PARD3B: variants seen among roughly 807,000 people sequenced by gnomAD.
The protein encoded by PARD3B is partitioning defective 3 homolog B.
PARD3B carries 103 observed loss-of-function variants against 130.2 expected under a neutral mutation model. The observed-to-expected ratio is 0.79, with a 90% CI of 0.67 to 0.93. PARD3B has a LOEUF of 0.93. Among genes scored for constraint, PARD3B ranks in the 40% least tolerant of loss-of-function variants. The pLI is 0.00. For synonymous variants in PARD3B, 583 were observed against 553.2 expected, an observed-to-expected ratio of 1.05 and a Z score of -0.76; for missense variants, 1,609 against 1,499.2, an observed-to-expected ratio of 1.07 and a Z score of -1.21.
Position 204,748,233 on chromosome 2 carries a change from A to T in PARD3B, c.222+61951A>T, listed in dbSNP as rs55900334. On this transcript the variant is annotated intron_variant, in intron 2 of 22. Coordinates refer to ENST00000406610, the MANE Select transcript of PARD3B (RefSeq NM_001302769.2). ...CTTAAAGATTGGCAGATTAAATGAC[A>T]CCTAAAGATGGGTAGAAAAATGTCA... 8.6e-3 allele frequency among the ~76,000 whole-genome samples: 1,308 copies of T among 152,176 alleles called. 9 individuals carry two copies. Among genetic ancestry groups the T allele is most frequent in the African/African-American group, 0.029 (1,191 of 41,530 alleles).
intron 22 of PARD3B, among the ~76,000 whole-genome samples, chr2:205,553,721 A>T (rs1038937285): frequency 1.3e-5 from 2 of 152,190 alleles, no homozygotes; most frequent in Non-Finnish European, 2.9e-5. Context: ...AGACAATCAA[A>T]TAGTAAATCC....
chr2:205,291,882 C>A lies in PARD3B; in HGVS notation c.2186-8648C>A, dbSNP rs895773820. Among the ~76,000 whole-genome samples the A allele has an allele frequency of 6.6e-6, 1 of 152,208 alleles. No homozygotes were observed. The highest frequency in any genetic ancestry group is 2.4e-5 in the African/African-American group (1 of 41,450). On this transcript the variant is annotated intron_variant, in intron 16 of 22. Coordinates refer to ENST00000406610, the MANE Select transcript of PARD3B (RefSeq NM_001302769.2). This position sits in a 1 kb window ranked among gnomAD's most constrained non-coding sequence, Gnocchi z 4.6. ...CAGCCATCTCAGCAGAAGCCAGGAG[C>A]TATTCTCCAGGACAATGGAAGAATG...
intron 2 of PARD3B, among the ~76,000 whole-genome samples, chr2:204,702,732 A>G (rs142916489): frequency 0.018 from 2,661 of 151,838 alleles, 38 homozygotes; most frequent in Middle Eastern, 0.071. Context: ...TGGCCACCAT[A>G]CTTGGCTAAT....
rs6711024 is a variant in PARD3B, at chr2:205,564,440, T to A, written c.3260+11037T>A. Among the ~76,000 whole-genome samples the A allele has an allele frequency of 3.3e-5, 5 of 152,022 alleles. No individual in the cohort carries two copies. Among genetic ancestry groups the A allele is most frequent in the South Asian group, 2.1e-4 (1 of 4,828 alleles). ...CCAGCCAAAATATTTTAAATGGTGC[T>A]TTTTTGCTTAAAGACTGCCTCTGTG... On this transcript the variant is annotated intron_variant, in intron 22 of 22. Coordinates refer to ENST00000406610, the MANE Select transcript of PARD3B (RefSeq NM_001302769.2). The surrounding 1 kb of genome is among the most constrained non-coding windows in gnomAD (Gnocchi z 4.6).
chr2:204,791,225 A>G (rs1489503023), intron 2 of PARD3B, among the ~76,000 whole-genome samples: 1 of 152,214 alleles, frequency 6.6e-6, no homozygotes, highest in Non-Finnish European at 1.5e-5. Context: ...TACTGCAACA[A>G]TCAAACTTTT....
chr2:204,748,083 C>G (rs1222938544), intron 2 of PARD3B, among the ~76,000 whole-genome samples: 2 of 151,944 alleles, frequency 1.3e-5, no homozygotes, highest in Non-Finnish European at 2.9e-5. Context: ...TTATTGAGTT[C>G]TTACTGATAA....
At chr2:204,910,773 C>T (rs2047205214) in intron 2 of PARD3B, among the ~76,000 whole-genome samples, 1 of 152,128 alleles carries the variant, frequency 6.6e-6, no homozygotes, top group Non-Finnish European at 1.5e-5. Flanking sequence ...TCATGAGTAG[C>T]TGGGACTACA....
At chr2:204,722,656 A>G (rs369391093) in intron 2 of PARD3B, among the ~76,000 whole-genome samples, 11 of 152,150 alleles carry the variant, frequency 7.2e-5, no homozygotes, top group African/African-American at 1.9e-4. Context: ...TCATTTATCA[A>G]TTCCAGGAAA....
chr2:204,597,466 A>G lies in PARD3B; in HGVS notation c.120+51347A>G, dbSNP rs571736961. On this transcript the variant is annotated intron_variant, in intron 1 of 22. Transcript: ENST00000406610. ...CTACAGGAAGCCAGTTTAAGTGTCA[A>G]TGTAGCCTAGAATATGGAGAAAAGG... is the stretch of plus-strand genomic sequence containing the variant. Among the ~76,000 whole-genome samples, 16 of 152,332 alleles carry G rather than the reference A, an allele frequency of 1.1e-4. No homozygotes were observed. The East Asian group carries it at 2.3e-3, about 22-fold the overall frequency.
chr2:205,221,332 G>A lies in PARD3B; in HGVS notation c.2141-24446G>A, dbSNP rs78100908. Among the ~76,000 whole-genome samples the A allele has an allele frequency of 6.5e-3, 984 of 152,256 alleles. 13 individuals carry two copies. Among genetic ancestry groups the A allele is most frequent in the African/African-American group, 0.022 (930 of 41,540 alleles). The stretch of plus-strand genomic sequence containing the variant: ...CTAGCATGGTGCCCGATGTACCACC[G>A]GCTCTCCGTAAACATTCATCGGATG... On this transcript the variant is annotated intron_variant, in intron 15 of 22. Transcript: ENST00000406610.
At chr2:205,025,744 G>A (rs1221817879) in intron 3 of PARD3B, among the ~76,000 whole-genome samples, 1 of 152,000 alleles carries the variant, frequency 6.6e-6, no homozygotes, top group African/African-American at 2.4e-5. Context: ...ATACCAGCCC[G>A]GTTCTGACAT....
Position 205,158,823 on chromosome 2 carries a change from C to A in PARD3B, c.1536C>A (p.Ser512Arg), listed in dbSNP as rs780741135. ...CAGGTTCTGCTGGCCTCGGGGTGAG[C>A]TTAAAAGGGAACAAATCCAGAGAAA... ...NDSGSAGLGV[S>R]LKGNKSRETG... Residue 512 changes from serine to arginine, a missense_variant, in exon 11 of 23, where the codon AGC becomes AGA. Transcript: ENST00000406610. This position sits in a 1 kb window ranked among gnomAD's most constrained non-coding sequence, Gnocchi z 5.4. 1 of 1,614,148 alleles carries A rather than the reference C, an allele frequency of 6.2e-7. No individual in the cohort carries two copies. The highest frequency in any genetic ancestry group is 8.5e-7 in the Non-Finnish European group (1 of 1,180,032).
At chr2:205,422,884 T>G (rs569851831) in intron 19 of PARD3B, among the ~76,000 whole-genome samples, 1 of 107,682 alleles carries the variant, frequency 9.3e-6, no homozygotes, top group South Asian at 3.2e-4. Flanking sequence ...GATCAGACAG[T>G]AGGCTCCCAT....
chr2:205,613,089 G>A (rs2055294737), intron 22 of PARD3B, among the ~76,000 whole-genome samples: 1 of 152,220 alleles, frequency 6.6e-6, no homozygotes, highest in Admixed American at 6.5e-5. Context: ...AATCTCCAGG[G>A]AGAGAACAGG....
chr2:204,687,502 A>C (rs1021868318), intron 2 of PARD3B, among the ~76,000 whole-genome samples: 1 of 152,280 alleles, frequency 6.6e-6, no homozygotes, highest in Non-Finnish European at 1.5e-5. Context: ...ATCTGGTATA[A>C]TATCTTACAC....
In PARD3B at chr2:204,936,130, A is replaced by G. The variant is rs145327503; in HGVS notation, c.223-29022A>G. Among the ~76,000 whole-genome samples, 808 of 152,332 alleles carry G rather than the reference A, an allele frequency of 5.3e-3. 5 individuals carry two copies. Among genetic ancestry groups the G allele is most frequent in the Non-Finnish European group, 8.8e-3 (596 of 68,042 alleles). ...AGCACTTTTGGGCTGTTCAGCCTGA[A>G]ATCCCAGAACACAGTTTTACTCCGC... is the stretch of plus-strand genomic sequence containing the variant. On this transcript the variant is annotated intron_variant, in intron 2 of 22. Transcript: ENST00000406610.
chr2:205,542,354 TTGTG>T lies in PARD3B; in HGVS notation c.3181-10944_3181-10941del, dbSNP rs143438143. ...CAGGAAACTATTCAGTAGTTTGTGT[TTGTG>T]TGTGTGTGTGTGTGTGTGTGTGTGT... On this transcript the variant is annotated intron_variant, in intron 21 of 22. Coordinates refer to ENST00000406610, the MANE Select transcript of PARD3B (RefSeq NM_001302769.2). Among the ~76,000 whole-genome samples, 498 of 145,206 alleles carry T rather than the reference TTGTG, an allele frequency of 3.4e-3. 7 individuals carry two copies. The highest frequency in any genetic ancestry group is 8.8e-3 in the Admixed American group (127 of 14,440).
chr2:205,330,766 A>T (rs182047334), intron 18 of PARD3B, among the ~76,000 whole-genome samples: 82 of 152,316 alleles, frequency 5.4e-4, no homozygotes, highest in Non-Finnish European at 2.8e-4. Flanking sequence ...TGGAATTTAT[A>T]AACATTTCAG....
At chr2:205,028,789 G>T (rs1697216904) in intron 3 of PARD3B, among the ~76,000 whole-genome samples, 1 of 152,114 alleles carries the variant, frequency 6.6e-6, no homozygotes, top group Non-Finnish European at 1.5e-5. Context: ...AAAACCCAAA[G>T]AAACTGTTAA....
Sources: allele counts gnomAD v4.1 joint callset (sites outside exome capture counted in the v4.1 genomes callset), GRCh38; gene constraint gnomAD v4.1.1; non-coding constraint Gnocchi (gnomAD v3.1); transcripts MANE v1.5; gene names NCBI Gene and HGNC (gene_info 2026-07-23, HGNC 2026-07-21).